Variants in DIP2B observed in about 807,000 individuals in gnomAD.
DIP2B encodes disco-interacting protein 2 homolog B.
DIP2B carries 76 observed loss-of-function variants against 198.0 expected under a neutral mutation model. That is an observed-to-expected ratio of 0.38 (90% CI 0.32 to 0.46). DIP2B has a LOEUF of 0.46. Ranked by LOEUF, DIP2B falls within the 20% of genes least tolerant of loss-of-function variation. The pLI, the probability that DIP2B is intolerant of heterozygous loss-of-function variation, is 0.99. For synonymous variants in DIP2B, 701 were observed against 739.1 expected (o/e 0.95, Z 0.84); for missense variants, 1,559 against 1,978.4 (o/e 0.79, Z 4.02).
chr12:50,627,977 T>C (rs1282534190), intron 2 of DIP2B, among the ~76,000 whole-genome samples: 1 of 152,158 alleles, frequency 6.6e-6, no homozygotes, highest in African/African-American at 2.4e-5. Context: ...CTCCTCCTTT[T>C]CCCCAAATCT....
At chr12:50,680,554 C>A in intron 8 of DIP2B, 118 bp from the exon 9 acceptor site, 1 of 857,324 alleles carries the variant, frequency 1.2e-6, no homozygotes, top group East Asian at 2.5e-5. Context: ...TCATCTAACC[C>A]ATCATTTGGA....
intron 1 of DIP2B, among the ~76,000 whole-genome samples, chr12:50,524,395 A>C (rs778721941): frequency 6.6e-6 from 1 of 152,142 alleles, no homozygotes; most frequent in Non-Finnish European, 1.5e-5. Context: ...TAATTCAGAT[A>C]CGTTTCCATG....
chr12:50,527,997 G>A (rs1323083860), intron 1 of DIP2B, among the ~76,000 whole-genome samples: 2 of 149,670 alleles, frequency 1.3e-5, no homozygotes, highest in East Asian at 2.0e-4. Flanking sequence ...GTGTAATCAC[G>A]GCTCACTGCA....
chr12:50,522,918 G>A (rs1204451516), intron 1 of DIP2B, among the ~76,000 whole-genome samples: 1 of 152,016 alleles, frequency 6.6e-6, no homozygotes, highest in East Asian at 1.9e-4. Context: ...GGAAGAATGG[G>A]AATTAACTGC....
At chr12:50,646,196 T>C (rs1216386568) in intron 3 of DIP2B, among the ~76,000 whole-genome samples, 1 of 152,084 alleles carries the variant, frequency 6.6e-6, no homozygotes, top group African/African-American at 2.4e-5. Context: ...TGATCTCAGC[T>C]CACTGCAACC....
chr12:50,537,963 G>A (rs1178517859), intron 1 of DIP2B, among the ~76,000 whole-genome samples: 1 of 152,158 alleles, frequency 6.6e-6, no homozygotes, highest in Non-Finnish European at 1.5e-5. Flanking sequence ...AATGGTGAGC[G>A]CAGGCTTCTT....
At chr12:50,560,406 A>ACC (rs1958509039) in intron 1 of DIP2B, among the ~76,000 whole-genome samples, 1 of 151,506 alleles carries the variant, frequency 6.6e-6, no homozygotes, top group Non-Finnish European at 1.5e-5. Context: ...CAAAAAAAAA[A>ACC]AAAGCAAAAA....
chr12:50,515,504 A>C (rs1958056218), intron 1 of DIP2B, among the ~76,000 whole-genome samples: 1 of 152,096 alleles, frequency 6.6e-6, no homozygotes, highest in Non-Finnish European at 1.5e-5. Flanking sequence ...CTGGAATTAC[A>C]GGTGTGAGCC....
intron 1 of DIP2B, among the ~76,000 whole-genome samples, chr12:50,530,504 AGAG>A (rs1224716190): frequency 6.6e-6 from 1 of 152,346 alleles, no homozygotes; most frequent in South Asian, 2.1e-4. Flanking sequence ...AGATCGCCTT[AGAG>A]GAGAATAGTT....
At chr12:50,684,457 G>A (rs2139539547) in intron 10 of DIP2B, among the ~76,000 whole-genome samples, 1 of 152,282 alleles carries the variant, frequency 6.6e-6, no homozygotes, top group South Asian at 2.1e-4. Context: ...TATTTCTGAG[G>A]GCTGATGTCA....
At chr12:50,595,021 T>G (rs1452037061) in intron 1 of DIP2B, among the ~76,000 whole-genome samples, 1 of 152,250 alleles carries the variant, frequency 6.6e-6, no homozygotes, top group African/African-American at 2.4e-5. Context: ...TTCTTTTTAT[T>G]GAAAGAAATA....
chr12:50,531,212 A>AT (rs372839758), intron 1 of DIP2B, among the ~76,000 whole-genome samples: 23 of 151,458 alleles, frequency 1.5e-4, no homozygotes, highest in East Asian at 5.8e-4. Flanking sequence ...CGCCTGGCTA[A>AT]TTTTTTTTTG....
chr12:50,663,413 C>T (rs920853838), intron 4 of DIP2B, among the ~76,000 whole-genome samples: 15 of 151,120 alleles, frequency 9.9e-5, no homozygotes, highest in South Asian at 4.2e-4. Context: ...AAAAATTAGC[C>T]GGGCGTGGTG....
chr12:50,656,816 C>T (rs188823208), intron 3 of DIP2B, among the ~76,000 whole-genome samples: 157 of 152,244 alleles, frequency 1.0e-3, no homozygotes, highest in Middle Eastern at 3.4e-3. Flanking sequence ...AGGTGATGCA[C>T]CCTCTTCGGC....
At position 50,721,158 on chromosome 12, in the gene DIP2B, T is replaced by C. The variant is rs180863115; in HGVS notation, c.3043-115T>C. 4.6e-5 allele frequency: 66 copies of C among 1,433,956 alleles called. No individual in the cohort carries two copies. The East Asian group carries it at 1.2e-3, about 26-fold the overall frequency. The allele number at this position is 1,433,956 out of a possible 1,614,324, so 88.8% of individuals were successfully genotyped here. ...ATTTTCACTAGAATTGATAACTTGC[T>C]AAGGATAATCTACAAAAGCACAAGC... On this transcript the variant is annotated intron_variant, in intron 25 of 37. Transcript: ENST00000301180.
intron 34 of DIP2B, among the ~76,000 whole-genome samples, chr12:50,735,843 C>A (rs1940130042): frequency 1.3e-5 from 2 of 152,030 alleles, no homozygotes; most frequent in Admixed American, 1.3e-4. Flanking sequence ...AGGGAAGACA[C>A]ACATGCATTT....
At chr12:50,508,041 C>T (rs902270840) in intron 1 of DIP2B, among the ~76,000 whole-genome samples, 9 of 152,102 alleles carry the variant, frequency 5.9e-5, no homozygotes, top group African/African-American at 1.4e-4. Context: ...ATAGATCAGC[C>T]AACTCTGTGC....
intron 1 of DIP2B, among the ~76,000 whole-genome samples, chr12:50,539,030 G>A (rs890737381): frequency 2.6e-5 from 4 of 152,064 alleles, no homozygotes; most frequent in African/African-American, 9.7e-5. Flanking sequence ...TGGGATGCAT[G>A]CGTGTTGAGC....
chr12:50,550,350 G>A (rs915222807), intron 1 of DIP2B, among the ~76,000 whole-genome samples: 3 of 151,924 alleles, frequency 2.0e-5, no homozygotes, highest in Non-Finnish European at 4.4e-5. Flanking sequence ...TTTTCATGAG[G>A]CTAGGACATT....
Sources: allele counts gnomAD v4.1 joint callset (sites outside exome capture counted in the v4.1 genomes callset), GRCh38; gene constraint gnomAD v4.1.1; transcripts MANE v1.5; gene names NCBI Gene and HGNC (gene_info 2026-07-23, HGNC 2026-07-21).